PCDHGA2: variants seen among roughly 807,000 people sequenced by gnomAD.
PCDHGA2 encodes the protein protocadherin gamma subfamily A, 2.
Under a neutral mutation model 59.2 loss-of-function variants are expected in PCDHGA2, and 40 were observed. The observed-to-expected ratio is 0.68, with a 90% CI of 0.52 to 0.88. PCDHGA2 has a LOEUF of 0.88. Ranked by LOEUF, PCDHGA2 falls within the 40% of genes least tolerant of loss-of-function variation. The pLI is 0.00. For synonymous variants in PCDHGA2, 560 were observed against 526.0 expected, an observed-to-expected ratio of 1.06 and a Z score of -0.89; for missense variants, 1,226 against 1,204.0, an observed-to-expected ratio of 1.02 and a Z score of -0.27.
chr5:141,413,435 G>T lies in PCDHGA2; in HGVS notation c.2424+72040G>T, dbSNP rs1018097924. 17 of 1,614,004 alleles carry T rather than the reference G, an allele frequency of 1.1e-5. No homozygotes were observed. The African/African-American group carries it at 2.1e-4, about 20-fold the overall frequency. On this transcript the variant is annotated intron_variant, in intron 1 of 3. Coordinates refer to ENST00000394576, the MANE Select transcript of PCDHGA2 (RefSeq NM_018915.4). Reference sequence around the variant, plus strand: ...TTCTCTCTGAACCCGCGCAGCGGCAGCTTGATCACCGCGGGCAGGATAGAC... The same window carrying T: ...TTCTCTCTGAACCCGCGCAGCGGCATCTTGATCACCGCGGGCAGGATAGAC...
At position 141,346,314 on chromosome 5, in the gene PCDHGA2, G is replaced by A. The variant is rs749127438; in HGVS notation, c.2424+4919G>A. On this transcript the variant is annotated intron_variant, in intron 1 of 3. Transcript: ENST00000394576. ...CTATTCCCACGAGGTCTCCCTCACT[G>A]CGGACTCGCGGAAGAGCCACCTGAT... 1.9e-5 allele frequency: 31 copies of A among 1,614,204 alleles called. No homozygotes were observed. The highest frequency in any genetic ancestry group is 3.3e-5 in the South Asian group (3 of 91,086).
chr5:141,384,002 T>C, intron 1 of PCDHGA2: 1 of 1,613,878 alleles, frequency 6.2e-7, no homozygotes, highest in South Asian at 1.1e-5. Flanking sequence ...GTCATTGCTC[T>C]TTTCTACCTA....
rs781591902 is a variant in PCDHGA2, at chr5:141,477,086, G to A, written c.2425-17721G>A. The A allele has an allele frequency of 1.1e-5, 18 of 1,614,128 alleles. No individual in the cohort carries two copies. In the East Asian group the frequency reaches 3.8e-4, roughly 34 times the overall value. The stretch of plus-strand genomic sequence containing the variant: ...CAAACTCCATGAGATTTACATCCAG[G>A]CCAAAGACAAGGGCGCCAATCCCGA... On this transcript the variant is annotated intron_variant, in intron 1 of 3. Coordinates refer to ENST00000394576, the MANE Select transcript of PCDHGA2 (RefSeq NM_018915.4). The surrounding 1 kb of genome is among the most constrained non-coding windows in gnomAD (Gnocchi z 4.9).
At chr5:141,400,539 T>C (rs1339848826) in intron 1 of PCDHGA2, 7 of 1,613,782 alleles carry the variant, frequency 4.3e-6, no homozygotes, top group African/African-American at 4.0e-5. Context: ...GTTTCATTTA[T>C]GTCTATTCTT....
At chr5:141,407,549 T>C (rs1159197129) in intron 1 of PCDHGA2, among the ~76,000 whole-genome samples, 4 of 151,912 alleles carry the variant, frequency 2.6e-5, no homozygotes, top group African/African-American at 9.7e-5. Flanking sequence ...TAACAGATTG[T>C]AGAACATAAG....
intron 2 of PCDHGA2, among the ~76,000 whole-genome samples, chr5:141,497,977 G>A (rs1368982839): frequency 6.6e-6 from 1 of 152,216 alleles, no homozygotes; most frequent in Admixed American, 6.5e-5. Context: ...CTCGATGTGG[G>A]AGGCCCCTGC....
In PCDHGA2 at chr5:141,491,463, C is replaced by CT. The variant is rs765984397; in HGVS notation, c.2425-3343dup. The CT allele has an allele frequency of 6.2e-7, 1 of 1,614,112 alleles. No homozygotes were observed. Among genetic ancestry groups the CT allele is most frequent in the Non-Finnish European group, 8.5e-7 (1 of 1,180,010 alleles). ...GCCAGGACTCACCCTCCCCGGACTT[C>CT]TATAAGCAGTCCAGCCCCAACCTGC... On this transcript the variant is annotated intron_variant, in intron 1 of 3. Coordinates refer to ENST00000394576, the MANE Select transcript of PCDHGA2 (RefSeq NM_018915.4). This position sits in a 1 kb window ranked among gnomAD's most constrained non-coding sequence, Gnocchi z 6.9.
At position 141,382,695 on chromosome 5, in the gene PCDHGA2, G is replaced by A. The variant is rs76993444; in HGVS notation, c.2424+41300G>A. ...TTCACCAACCAGGGAAAAATGGTGCGAGAGATCCCACAGAAACCACCGAGT... is the reference window on the plus strand; with the variant it reads ...TTCACCAACCAGGGAAAAATGGTGCAAGAGATCCCACAGAAACCACCGAGT... On this transcript the variant is annotated intron_variant, in intron 1 of 3. Coordinates refer to ENST00000394576, the MANE Select transcript of PCDHGA2 (RefSeq NM_018915.4). 1.1e-3 allele frequency: 486 copies of A among 451,892 alleles called. 2 individuals carry two copies. The highest frequency in any genetic ancestry group is 9.0e-3 in the African/African-American group (451 of 50,190). The allele number at this position is 451,892 out of a possible 1,614,324, so 28.0% of individuals were successfully genotyped here.
At chr5:141,344,969 C>T in intron 1 of PCDHGA2, 1 of 1,613,690 alleles carries the variant, frequency 6.2e-7, no homozygotes, top group East Asian at 2.2e-5. Context: ...ATGAGGATGC[C>T]ATGTTCTATG....
intron 2 of PCDHGA2, among the ~76,000 whole-genome samples, chr5:141,501,942 C>T (rs1012840550): frequency 2.6e-5 from 4 of 152,136 alleles, no homozygotes; most frequent in Non-Finnish European, 4.4e-5. Context: ...CACCACTGCT[C>T]CCTGTGACAG....
chr5:141,370,485 GA>G, intron 1 of PCDHGA2: 1 of 1,613,916 alleles, frequency 6.2e-7, no homozygotes, highest in South Asian at 1.1e-5. Flanking sequence ...GGCTCTCTCC[GA>G]ACCGATCCGC....
chr5:141,423,310 G>C, intron 1 of PCDHGA2: 2 of 1,614,180 alleles, frequency 1.2e-6, no homozygotes, highest in Non-Finnish European at 1.7e-6. Context: ...GCTGTACTTG[G>C]TGGTGGCGGT....
rs1219684339 is a variant in PCDHGA2, at chr5:141,506,444, CAAAAAAAAAAA to C, written c.2572+974_2572+984del. Among the ~76,000 whole-genome samples, 33 of 95,024 alleles carry C rather than the reference CAAAAAAAAAAA, an allele frequency of 3.5e-4. No individual in the cohort carries two copies. The East Asian group carries it at 0.011, about 31-fold the overall frequency. The allele number at this position is 95,024 out of a possible 152,430, so 62.3% of individuals were successfully genotyped here. On this transcript the variant is annotated intron_variant, in intron 3 of 3. Coordinates refer to ENST00000394576, the MANE Select transcript of PCDHGA2 (RefSeq NM_018915.4). ...CCTGGGCAACAGTCTCGCTCTGTCTCAAAAAAAAAAAAAAAAAAAAAGAGCACAGGCTTTAG... is the reference window on the plus strand; with the variant it reads ...CCTGGGCAACAGTCTCGCTCTGTCTCAAAAAAAAAAGAGCACAGGCTTTAG...
chr5:141,346,334 C>A, intron 1 of PCDHGA2: 1 of 1,614,224 alleles, frequency 6.2e-7, no homozygotes, highest in Non-Finnish European at 8.5e-7. Flanking sequence ...GGAAGAGCCA[C>A]CTGATTTTCC....
chr5:141,485,193 G>T lies in PCDHGA2; in HGVS notation c.2425-9614G>T. The T allele has an allele frequency of 6.2e-7, 1 of 1,613,988 alleles. No homozygotes were observed. Among genetic ancestry groups the T allele is most frequent in the Non-Finnish European group, 8.5e-7 (1 of 1,179,852 alleles). The stretch of plus-strand genomic sequence containing the variant: ...GCAGCAATGCTCCGCAAGGTGAGAA[G>T]CTGGACAGAAATCTGGCGGTGGGCT... On this transcript the variant is annotated intron_variant, in intron 1 of 3. Transcript: ENST00000394576. The surrounding 1 kb of genome is among the most constrained non-coding windows in gnomAD (Gnocchi z 5.7).
At chr5:141,357,884 C>A (rs545523934) in intron 1 of PCDHGA2, among the ~76,000 whole-genome samples, 2 of 152,194 alleles carry the variant, frequency 1.3e-5, no homozygotes, top group Non-Finnish European at 2.9e-5. Context: ...TGAGCCACCT[C>A]ATTTCCTTAA....
At chr5:141,423,821 C>A (rs2096784513) in intron 1 of PCDHGA2, 1 of 1,272,728 alleles carries the variant, frequency 7.9e-7, no homozygotes, top group Admixed American at 3.9e-5. Context: ...TTTACTTTGC[C>A]TTTCATGAGA....
In PCDHGA2 at chr5:141,419,882, T is replaced by A. The variant is rs145814583; in HGVS notation, c.2425-74925T>A. ...TAGCTTGCAAGAGGTACTGCCGGAT[T>A]TCAGCGACCATCCCACACCCTCTGA... On this transcript the variant is annotated intron_variant, in intron 1 of 3. Transcript: ENST00000394576. The A allele has an allele frequency of 4.9e-3, 7,980 of 1,614,092 alleles. 44 individuals carry two copies. Among genetic ancestry groups the A allele is most frequent in the Admixed American group, 9.4e-3 (567 of 60,032 alleles).
At chr5:141,509,953 G>A (rs987910496) in intron 3 of PCDHGA2, among the ~76,000 whole-genome samples, 4 of 152,282 alleles carry the variant, frequency 2.6e-5, no homozygotes, top group Non-Finnish European at 4.4e-5. Context: ...AAATGCTACC[G>A]GGTATGGCCT....
Sources: gnomAD v4.1 joint callset for allele counts (sites outside exome capture counted in the v4.1 genomes callset) on GRCh38, gnomAD v4.1.1 for gene constraint, Gnocchi (gnomAD v3.1) non-coding constraint, MANE v1.5 for transcripts, NCBI Gene and HGNC (gene_info 2026-07-23, HGNC 2026-07-21) for gene names.